Variants in MORC3 observed in about 807,000 individuals in gnomAD.
The protein encoded by MORC3 is MORC family CW-type zinc finger 3, also known as MORC family CW-type zinc finger protein 3.
MORC3 carries 31 observed loss-of-function variants against 109.1 expected under a neutral mutation model. The ratio of observed to expected loss-of-function variants is 0.28; its 90% CI spans 0.21 to 0.38. The LOEUF (loss-of-function observed/expected upper bound fraction) is 0.38, where lower values mean the gene tolerates loss of function less well. MORC3 is among the 10% of genes least tolerant of loss of function. The probability of loss-of-function intolerance (pLI) is 1.00; values close to 1 mark genes in which losing one functional copy is unlikely to be tolerated. For synonymous variants in MORC3, 395 were observed against 380.7 expected (o/e 1.04, Z -0.44); for missense variants, 867 against 1,135.8 (o/e 0.76, Z 3.40).
At chr21:36,370,485 A>G (rs756106844) in intron 15 of MORC3, among the ~76,000 whole-genome samples, 1 of 151,352 alleles carries the variant, frequency 6.6e-6, no homozygotes, top group Admixed American at 6.6e-5. Flanking sequence ...TTGGGCATCA[A>G]TTCTGCTTTT....
chr21:36,365,066 A>AAAC (rs1234371059), intron 14 of MORC3, among the ~76,000 whole-genome samples: 22 of 151,760 alleles, frequency 1.4e-4, no homozygotes, highest in African/African-American at 4.8e-4. Flanking sequence ...AAAAAAAAAA[A>AAAC]AAAACATGAA....
Position 36,337,727 on chromosome 21 carries a change from C to G in MORC3, c.246-5C>G. 3 of 1,568,854 alleles carry G rather than the reference C, an allele frequency of 1.9e-6. No homozygotes were observed. Among genetic ancestry groups the G allele is most frequent in the Non-Finnish European group, 2.6e-6 (3 of 1,157,666 alleles). On this transcript the variant is annotated splice_region_variant and splice_polypyrimidine_tract_variant and intron_variant, in intron 3 of 16. Coordinates refer to ENST00000400485, the MANE Select transcript of MORC3 (RefSeq NM_015358.3). Reference sequence around the variant, plus strand: ...TATTTTTAAAAATCTTTATTTTCTTCTTAGCTTTGGCTTCAGTGACAAAGT... The same window carrying G: ...TATTTTTAAAAATCTTTATTTTCTTGTTAGCTTTGGCTTCAGTGACAAAGT...
In MORC3 at chr21:36,337,830, C is replaced by G. The variant is rs374917169; in HGVS notation, c.344C>G (p.Ala115Gly). The change falls in exon 4 of 17, where the codon GCA (alanine) becomes GGA (glycine). Residue 115 changes from alanine (A) to glycine (G), a missense_variant. Ala to Gly is a moderately conservative substitution (Grantham distance 60). Coordinates refer to ENST00000400485, the MANE Select transcript of MORC3 (RefSeq NM_015358.3). ...KSGSMRLGKD[A>G]IVFTKNGESM... ...GGTTCTATGCGTCTGGGTAAAGACG[C>G]AATCGTTTTTACCAAAAATGGAGAA... The G allele has an allele frequency of 6.2e-7, 1 of 1,614,042 alleles. No homozygotes were observed. The highest frequency in any genetic ancestry group is 8.5e-7 in the Non-Finnish European group (1 of 1,180,028).
intron 6 of MORC3, 112 bp from the exon 7 acceptor site, chr21:36,344,467 A>C (rs554813593): frequency 7.3e-6 from 9 of 1,239,194 alleles, no homozygotes; most frequent in Non-Finnish European, 8.9e-6. Context: ...TATTTTATTG[A>C]AGAGTTAATT....
Position 36,320,405 on chromosome 21 carries a change from GGCGGCGGGGGCT to G in MORC3, c.39+112_39+123del, listed in dbSNP as rs1245236643. On this transcript the variant is annotated intron_variant, in intron 1 of 16. Transcript: ENST00000400485. The stretch of plus-strand genomic sequence containing the variant: ...CGGTGGCGGCTTGTGGGGCCGACGC[GGCGGCGGGGGCT>G]GCGGCGGGGCCCGGGGAGGGGGCGG... 220 of 1,135,966 alleles carry G rather than the reference GGCGGCGGGGGCT, an allele frequency of 1.9e-4. No individual in the cohort carries two copies. In the East Asian group the frequency reaches 5.8e-3, roughly 30 times the overall value. 70.4% of individuals were successfully genotyped at this position (1,135,966 alleles called of 1,614,324 possible). A position where few individuals can be genotyped will look rare whatever the true frequency, so the allele number is the denominator to read the frequency against.
At chr21:36,320,556 C>G (rs978046347) in intron 1 of MORC3, 6 of 334,940 alleles carry the variant, frequency 1.8e-5, no homozygotes, top group African/African-American at 1.1e-4. Context: ...GCTCCTCCTC[C>G]CAGCTCCCTC....
In MORC3 at chr21:36,375,465, T is replaced by G; in HGVS notation, c.*169T>G. 1.7e-6 allele frequency: 1 copy of G among 580,110 alleles called. No homozygotes were observed. The highest frequency in any genetic ancestry group is 2.9e-6 in the Non-Finnish European group (1 of 350,508). 35.9% of individuals were successfully genotyped at this position (580,110 alleles called of 1,614,324 possible). A position where few individuals can be genotyped will look rare whatever the true frequency, so the allele number is the denominator to read the frequency against. ...TCACAAATATTGTGGACACATTATCTTATGTTTTGAAATACCTGTGAATTG... is the reference window on the plus strand; with the variant it reads ...TCACAAATATTGTGGACACATTATCGTATGTTTTGAAATACCTGTGAATTG... On this transcript the variant is annotated 3_prime_UTR_variant, in exon 17 of 17. Transcript: ENST00000400485.
chr21:36,350,116 G>C (rs1033251404), intron 9 of MORC3, among the ~76,000 whole-genome samples: 3 of 152,046 alleles, frequency 2.0e-5, no homozygotes, highest in Admixed American at 6.6e-5. Context: ...GACCAGCGTG[G>C]GCAACATGGC....
At chr21:36,341,770 T>G (rs536094600) in intron 6 of MORC3, among the ~76,000 whole-genome samples, 1 of 152,290 alleles carries the variant, frequency 6.6e-6, no homozygotes, top group South Asian at 2.1e-4. Context: ...ACTGGTTGAT[T>G]TATTTGTTTG....
At chr21:36,340,128 A>G (rs12053702) in intron 5 of MORC3, among the ~76,000 whole-genome samples, 90,634 of 151,852 alleles carry the variant, frequency 0.6, 28,079 homozygotes, top group East Asian at 1. Context: ...ATTACAAAAA[A>G]TTAGCTGGGC....
intron 8 of MORC3, among the ~76,000 whole-genome samples, chr21:36,345,362 TGCC>T (rs2085495933): frequency 6.6e-6 from 1 of 152,064 alleles, no homozygotes; most frequent in Non-Finnish European, 1.5e-5. Flanking sequence ...GTGATTCTGC[TGCC>T]TCAGCCTCCC....
rs1408419661 is a variant in MORC3 at position 36,369,507 on chromosome 21, T to C, written c.2139T>C (p.Tyr713=). The C allele has an allele frequency of 4.3e-6, 7 of 1,614,122 alleles. No individual in the cohort carries two copies. Among genetic ancestry groups the C allele is most frequent in the Non-Finnish European group, 5.1e-6 (6 of 1,180,004 alleles). Residue 713 remains tyrosine (Y), a synonymous_variant, in exon 15 of 17, where the codon TAT becomes TAC. Transcript: ENST00000400485. ...TTGTCACTGAGGAAAAAGAGAATTATAAAAGACAGTGTCATATGTTTACTG... is the reference window on the plus strand; with the variant it reads ...TTGTCACTGAGGAAAAAGAGAATTACAAAAGACAGTGTCATATGTTTACTG... The part of the protein sequence containing the change: ...LLLVTEEKEN[Y]KRQCHMFTDQ...
intron 9 of MORC3, among the ~76,000 whole-genome samples, chr21:36,354,323 C>CTTTTTTTTTTTTTTTTTTTTTTTTTTTT (rs144208712): frequency 1.8e-5 from 2 of 113,654 alleles, no homozygotes; most frequent in Non-Finnish European, 3.4e-5. Context: ...TTCTTTCTTT[C>CTTTTTTTTTTTTTTTTTTTTTTTTTTTT]TTTTTTTTTT....
rs1182032939 is a variant in MORC3 at position 36,369,014 on chromosome 21, C to G, written c.1646C>G (p.Ser549Cys). 6.2e-7 allele frequency: 1 copy of G among 1,609,768 alleles called. No individual in the cohort carries two copies. The highest frequency in any genetic ancestry group is 1.3e-5 in the African/African-American group (1 of 74,852). ...NSLKRRLSTRSSILNAKNRRL... is the reference protein window; with the variant it reads ...NSLKRRLSTRCSILNAKNRRL... ...TTGAAACGGAGACTTTCTACTCGTT[C>G]CTCAATTTTGAATGCAAAGAATCGG... Residue 549 changes from serine (S) to cysteine (C), a missense_variant, in exon 15 of 17, where the codon TCC becomes TGC. By Grantham distance (112) the Ser-to-Cys change is moderately radical. Coordinates refer to ENST00000400485, the MANE Select transcript of MORC3 (RefSeq NM_015358.3).
At chr21:36,323,224 A>G (rs2085211714) in intron 1 of MORC3, among the ~76,000 whole-genome samples, 1 of 152,114 alleles carries the variant, frequency 6.6e-6, no homozygotes, top group African/African-American at 2.4e-5. Flanking sequence ...CATCTCACAT[A>G]TCCTTCTGTC....
At chr21:36,329,806 A>C (rs2085293685) in intron 1 of MORC3, among the ~76,000 whole-genome samples, 1 of 152,112 alleles carries the variant, frequency 6.6e-6, no homozygotes, top group South Asian at 2.1e-4. Flanking sequence ...TTGTGGAAAA[A>C]AATGTACATT....
At chr21:36,348,731 AAC>A (rs1352041914) in intron 8 of MORC3, among the ~76,000 whole-genome samples, 1 of 152,178 alleles carries the variant, frequency 6.6e-6, no homozygotes, top group Non-Finnish European at 1.5e-5. Flanking sequence ...TCTCTTGTAT[AAC>A]ATTGGGGATG....
At chr21:36,358,427 C>G (rs1326109600) in intron 10 of MORC3, among the ~76,000 whole-genome samples, 2 of 151,750 alleles carry the variant, frequency 1.3e-5, no homozygotes, top group South Asian at 4.2e-4. Flanking sequence ...ATTTAAAAAG[C>G]TATTGACATT....
intron 6 of MORC3, among the ~76,000 whole-genome samples, chr21:36,344,070 C>A (rs1442575966): frequency 6.6e-6 from 1 of 151,858 alleles, no homozygotes; most frequent in Non-Finnish European, 1.5e-5. Context: ...AGCACCACTT[C>A]TTTTGAAATC....
Sources: gnomAD v4.1 joint callset for allele counts (sites outside exome capture counted in the v4.1 genomes callset) on GRCh38, gnomAD v4.1.1 for gene constraint, MANE v1.5 for transcripts, NCBI Gene and HGNC (gene_info 2026-07-23, HGNC 2026-07-21) for gene names.